Variants in CHST11 observed in about 807,000 individuals in gnomAD.
The protein encoded by CHST11 is carbohydrate sulfotransferase 11.
CHST11 carries 9 observed loss-of-function variants against 30.4 expected under a neutral mutation model. The observed-to-expected ratio is 0.30, with a 90% CI of 0.18 to 0.52. The LOEUF (loss-of-function observed/expected upper bound fraction) is 0.52. CHST11 is among the 20% of genes least tolerant of loss of function. CHST11 has a pLI of 0.97. For synonymous variants in CHST11, 152 were observed against 187.8 expected (o/e 0.81, Z 1.56); for missense variants, 348 against 460.6 (o/e 0.76, Z 2.24).
At chr12:104,596,378 T>C (rs1410697708) in intron 1 of CHST11, among the ~76,000 whole-genome samples, 1 of 152,200 alleles carries the variant, frequency 6.6e-6, no homozygotes, top group Non-Finnish European at 1.5e-5. Flanking sequence ...ATTAGAGTTG[T>C]TTTGCCAGCG....
intron 1 of CHST11, among the ~76,000 whole-genome samples, chr12:104,509,906 A>G (rs574010588): frequency 3.3e-5 from 5 of 152,374 alleles, no homozygotes; most frequent in African/African-American, 1.2e-4. Flanking sequence ...AGCTTAGAGT[A>G]GGTGTTCTTG....
At chr12:104,710,189 G>A (rs970511514) in intron 2 of CHST11, among the ~76,000 whole-genome samples, 51 of 148,216 alleles carry the variant, frequency 3.4e-4, no homozygotes, top group African/African-American at 1.3e-3. Flanking sequence ...CACAAAGCAA[G>A]ACCCTGTCTC....
At chr12:104,658,956 C>A (rs1196775863) in intron 2 of CHST11, among the ~76,000 whole-genome samples, 1 of 152,246 alleles carries the variant, frequency 6.6e-6, no homozygotes, top group East Asian at 1.9e-4. Flanking sequence ...TGAACCCAGG[C>A]AGTCTGGCTG....
At position 104,652,474 on chromosome 12, in the gene CHST11, G is replaced by A. The variant is rs571749142; in HGVS notation, c.204+50483G>A. 5.3e-5 allele frequency among the ~76,000 whole-genome samples: 8 copies of A among 152,256 alleles called. No individual in the cohort carries two copies. In the East Asian group the frequency reaches 7.7e-4, roughly 15 times the overall value. On this transcript the variant is annotated intron_variant, in intron 2 of 2. Transcript: ENST00000303694. ...TCACGGGAGCAGCATGTCTTCAGGC[G>A]GAAATTGTTCCAATTTCCCCACAAA...
In CHST11 at chr12:104,457,219, C is replaced by T; in HGVS notation, c.-193C>T. 1.9e-6 allele frequency: 1 copy of T among 536,846 alleles called. No homozygotes were observed. The highest frequency in any genetic ancestry group is 3.0e-5 in the East Asian group (1 of 33,370). 33.3% of individuals were successfully genotyped at this position (536,846 alleles called of 1,614,324 possible). ...ACGCATCTCAGCACTTCCAGACCAA[C>T]TCCGGCACCTTCCACACCCCTGCCC... is the stretch of plus-strand genomic sequence containing the variant. On this transcript the variant is annotated 5_prime_UTR_variant, in exon 1 of 3. Transcript: ENST00000303694.
At chr12:104,693,888 C>T (rs1015919485) in intron 2 of CHST11, among the ~76,000 whole-genome samples, 3 of 152,168 alleles carry the variant, frequency 2.0e-5, no homozygotes, top group African/African-American at 7.2e-5. Flanking sequence ...ATACAGTTTA[C>T]ATCAAGGATC....
At chr12:104,471,698 A>G (rs1385008521) in intron 1 of CHST11, among the ~76,000 whole-genome samples, 2 of 152,198 alleles carry the variant, frequency 1.3e-5, no homozygotes, top group African/African-American at 4.8e-5. Context: ...AAGTGAAAAG[A>G]AACAGGTGAG....
intron 2 of CHST11, among the ~76,000 whole-genome samples, chr12:104,643,405 G>A (rs1024645861): frequency 6.6e-6 from 1 of 152,216 alleles, no homozygotes; most frequent in African/African-American, 2.4e-5. Flanking sequence ...GGAAGCAGAA[G>A]TTTGGAGGGT....
intron 1 of CHST11, among the ~76,000 whole-genome samples, chr12:104,473,918 C>T (rs914338237): frequency 6.6e-6 from 1 of 151,476 alleles, no homozygotes; most frequent in Non-Finnish European, 1.5e-5. Context: ...ACCATCATCA[C>T]CACCACCACC....
At chr12:104,573,694 T>C (rs2038652823) in intron 1 of CHST11, among the ~76,000 whole-genome samples, 1 of 152,200 alleles carries the variant, frequency 6.6e-6, no homozygotes, top group Admixed American at 6.5e-5. Flanking sequence ...CCTTACACCT[T>C]ATACAAAAAT....
chr12:104,520,497 T>A (rs1229631594), intron 1 of CHST11, among the ~76,000 whole-genome samples: 4 of 152,022 alleles, frequency 2.6e-5, no homozygotes, highest in African/African-American at 9.7e-5. Context: ...ACCTTTTTTT[T>A]TAAACAAAAC....
chr12:104,619,246 A>G (rs1345657037), intron 2 of CHST11, among the ~76,000 whole-genome samples: 1 of 152,112 alleles, frequency 6.6e-6, no homozygotes. Flanking sequence ...CTAGAAACTC[A>G]CTCAGACCCC....
rs528769578 is a variant in CHST11, at chr12:104,549,693, C to G, written c.119-52213C>G. Reference sequence around the variant, plus strand: ...GGCCGAGGCAGGAGGATTGCTTGAGCCCAGGAGTTTGAGACTGCTCTGAGC... The same window carrying G: ...GGCCGAGGCAGGAGGATTGCTTGAGGCCAGGAGTTTGAGACTGCTCTGAGC... On this transcript the variant is annotated intron_variant, in intron 1 of 2. Coordinates refer to ENST00000303694, the MANE Select transcript of CHST11 (RefSeq NM_018413.6). Among the ~76,000 whole-genome samples, 3 of 152,208 alleles carry G rather than the reference C, an allele frequency of 2.0e-5. No homozygotes were observed. The East Asian group carries it at 5.8e-4, about 29-fold the overall frequency.
chr12:104,496,771 T>G (rs1357482893), intron 1 of CHST11, among the ~76,000 whole-genome samples: 8 of 152,160 alleles, frequency 5.3e-5, no homozygotes, highest in Non-Finnish European at 1.5e-5. Context: ...TATGAGATGT[T>G]GTTTCCTGCA....
At chr12:104,519,429 G>C (rs1429293587) in intron 1 of CHST11, among the ~76,000 whole-genome samples, 1 of 152,186 alleles carries the variant, frequency 6.6e-6, no homozygotes, top group Non-Finnish European at 1.5e-5. Context: ...GATAGATGGA[G>C]ATCTGCCCCA....
intron 1 of CHST11, among the ~76,000 whole-genome samples, chr12:104,479,159 C>CA (rs538967577): frequency 7.8e-4 from 115 of 148,234 alleles, no homozygotes; most frequent in South Asian, 7.4e-3. Context: ...TTGGTTTAAG[C>CA]AAAAAAAAAG....
intron 2 of CHST11, among the ~76,000 whole-genome samples, chr12:104,666,819 CTT>C (rs1030547444): frequency 6.6e-6 from 1 of 152,088 alleles, no homozygotes; most frequent in Non-Finnish European, 1.5e-5. Flanking sequence ...CTGATAACCC[CTT>C]TTTTCACCGT....
At chr12:104,508,541 A>G (rs1273211923) in intron 1 of CHST11, among the ~76,000 whole-genome samples, 1 of 152,210 alleles carries the variant, frequency 6.6e-6, no homozygotes. Flanking sequence ...GGGAAAAACA[A>G]AGCAAAATAA....
intron 2 of CHST11, among the ~76,000 whole-genome samples, chr12:104,638,782 C>A (rs949676434): frequency 6.6e-6 from 1 of 152,172 alleles, no homozygotes; most frequent in African/African-American, 2.4e-5. Flanking sequence ...CTGAATGGAT[C>A]CAGGTCCTGC....
Sources: allele counts gnomAD v4.1 joint callset (sites outside exome capture counted in the v4.1 genomes callset), GRCh38; gene constraint gnomAD v4.1.1; transcripts MANE v1.5; gene names NCBI Gene and HGNC (gene_info 2026-07-23, HGNC 2026-07-21).